TENM3: variants seen among roughly 807,000 people sequenced by gnomAD.
TENM3 encodes the protein teneurin transmembrane protein 3, also known as teneurin-3.
TENM3 carries 63 observed loss-of-function variants against 255.1 expected under a neutral mutation model. That is an observed-to-expected ratio of 0.25 (90% CI 0.20 to 0.30). The LOEUF is 0.30. TENM3 is among the 10% of genes least tolerant of loss of function. The pLI is 1.00. For missense variants in TENM3, 2,929 were observed against 3,461.1 expected (o/e 0.85, Z 3.86); for synonymous variants, 1,306 against 1,322.3 (o/e 0.99, Z 0.27).
the TENM3 span, among the ~76,000 whole-genome samples, chr4:181,605,539 AAAG>A: frequency 1.2e-4 from 3 of 24,382 alleles, no homozygotes; most frequent in South Asian, 2.0e-3. Context: ...AGAAAGAAAG[AAAG>A]AAAGAAAGAA....
intron 3 of TENM3, among the ~76,000 whole-genome samples, chr4:182,445,211 C>T (rs1274409887): frequency 1.3e-5 from 2 of 152,176 alleles, no homozygotes; most frequent in Admixed American, 6.5e-5. Flanking sequence ...TGTTTAGGCC[C>T]AAGCACTCTG....
At chr4:182,421,213 C>T (rs990663249) in intron 3 of TENM3, among the ~76,000 whole-genome samples, 1 of 152,144 alleles carries the variant, frequency 6.6e-6, no homozygotes, top group African/African-American at 2.4e-5. Context: ...CATCTTCACC[C>T]TCGTCATCAC....
chr4:182,707,213 G>A lies in TENM3; in HGVS notation c.2222-6874G>A, dbSNP rs145413218. Among the ~76,000 whole-genome samples, 497 of 151,544 alleles carry A rather than the reference G, an allele frequency of 3.3e-3. 1 individual carries two copies. The highest frequency in any genetic ancestry group is 0.028 in the Middle Eastern group (8 of 290). ...TACTCCTAGACCTTATCCAAGAGAG[G>A]TGCTGGGGTAGAGGGAAGAAAAAGG... On this transcript the variant is annotated intron_variant, in intron 12 of 27. Coordinates refer to ENST00000511685, the MANE Select transcript of TENM3 (RefSeq NM_001080477.4).
chr4:182,038,665 G>A, the TENM3 span, among the ~76,000 whole-genome samples: 1 of 152,144 alleles, frequency 6.6e-6, no homozygotes, highest in Non-Finnish European at 1.5e-5. Context: ...ACAGACTTGC[G>A]TTCAAGACCA....
chr4:181,675,505 A>C, the TENM3 span, among the ~76,000 whole-genome samples: 2 of 152,134 alleles, frequency 1.3e-5, no homozygotes, highest in Non-Finnish European at 2.9e-5. Flanking sequence ...AAATGGAATA[A>C]AAATATGTAT....
the TENM3 span, among the ~76,000 whole-genome samples, chr4:181,814,486 A>T: frequency 3.9e-5 from 6 of 152,198 alleles, no homozygotes; most frequent in East Asian, 1.2e-3. Context: ...GTAAGGACAT[A>T]GAAGAGCTGG....
At chr4:181,621,716 A>G in the TENM3 span, among the ~76,000 whole-genome samples, 1 of 152,218 alleles carries the variant, frequency 6.6e-6, no homozygotes, top group Non-Finnish European at 1.5e-5. Context: ...GATGGATATT[A>G]AAGATAGGTT....
upstream of TENM3, among the ~76,000 whole-genome samples, chr4:182,140,932 G>A (rs1749360028): frequency 1.3e-5 from 2 of 151,900 alleles, no homozygotes; most frequent in South Asian, 2.1e-4. Context: ...CAGTAGTGGG[G>A]CAAGAACCTG....
chr4:181,676,907 C>A, the TENM3 span, among the ~76,000 whole-genome samples: 3 of 152,000 alleles, frequency 2.0e-5, no homozygotes, highest in African/African-American at 7.2e-5. Context: ...TCATTCATGA[C>A]CCACCTTATT....
At chr4:182,073,373 G>A in the TENM3 span, among the ~76,000 whole-genome samples, 2 of 152,186 alleles carry the variant, frequency 1.3e-5, no homozygotes, top group African/African-American at 4.8e-5. Flanking sequence ...AAATTTGGGT[G>A]GGGACACAGC....
chr4:181,612,365 A>C, the TENM3 span, among the ~76,000 whole-genome samples: 6 of 152,148 alleles, frequency 3.9e-5, no homozygotes, highest in Non-Finnish European at 8.8e-5. Flanking sequence ...TTCAGTCCTC[A>C]TGGTATTGTT....
intron 3 of TENM3, among the ~76,000 whole-genome samples, chr4:182,462,058 C>A (rs1047958159): frequency 1.5e-5 from 2 of 135,952 alleles, no homozygotes; most frequent in Non-Finnish European, 3.2e-5. Context: ...TCATCACAGC[C>A]TCCTCTGAGC....
chr4:181,888,011 T>C, the TENM3 span, among the ~76,000 whole-genome samples: 2 of 152,168 alleles, frequency 1.3e-5, no homozygotes, highest in African/African-American at 4.8e-5. Context: ...TATTCTATTC[T>C]ATTCTATTCT....
intron 3 of TENM3, among the ~76,000 whole-genome samples, chr4:182,389,636 T>C (rs1310587300): frequency 1.3e-5 from 2 of 152,022 alleles, no homozygotes; most frequent in Non-Finnish European, 2.9e-5. Context: ...CGAATTAGGT[T>C]ATTTCTGTGT....
the TENM3 span, among the ~76,000 whole-genome samples, chr4:181,929,589 T>C: frequency 2.0e-5 from 3 of 152,130 alleles, no homozygotes; most frequent in African/African-American, 7.2e-5. Flanking sequence ...GGTGGGACAC[T>C]TTAACACCCC....
chr4:182,063,243 C>T, the TENM3 span, among the ~76,000 whole-genome samples: 103 of 152,186 alleles, frequency 6.8e-4, no homozygotes, highest in African/African-American at 2.4e-3. Context: ...TGCAGAAGTC[C>T]CACAAAGGAA....
At chr4:181,891,443 G>A in the TENM3 span, among the ~76,000 whole-genome samples, 7 of 152,050 alleles carry the variant, frequency 4.6e-5, no homozygotes, top group African/African-American at 1.2e-4. Context: ...TTTTGATACC[G>A]TGATTCCCTC....
chr4:181,850,946 AG>A, the TENM3 span, among the ~76,000 whole-genome samples: 1 of 152,174 alleles, frequency 6.6e-6, no homozygotes, highest in African/African-American at 2.4e-5. Flanking sequence ...CTGGAGGTGA[AG>A]CCGTTTCATC....
the TENM3 span, among the ~76,000 whole-genome samples, chr4:182,047,422 C>T: frequency 3.3e-5 from 5 of 151,792 alleles, no homozygotes; most frequent in Non-Finnish European, 5.9e-5. Context: ...ATTAGCGGGG[C>T]GTGGTGGTGC....
Sources: gnomAD v4.1 joint callset for allele counts (sites outside exome capture counted in the v4.1 genomes callset) on GRCh38, gnomAD v4.1.1 for gene constraint, MANE v1.5 for transcripts, NCBI Gene and HGNC (gene_info 2026-07-23, HGNC 2026-07-21) for gene names.